The following VPS13C variants were observed in gnomAD, a reference collection of about 807,000 sequenced individuals.
VPS13C encodes intermembrane lipid transfer protein VPS13C.
VPS13C carries 358 observed loss-of-function variants against 456.8 expected under a neutral mutation model. The ratio of observed to expected loss-of-function variants is 0.78; its 90% confidence interval spans 0.72 to 0.86. The LOEUF (loss-of-function observed/expected upper bound fraction) is 0.86. VPS13C is among the 40% of genes least tolerant of loss of function. The probability of loss-of-function intolerance (pLI) is 0.00; values close to 1 mark genes in which losing one functional copy is unlikely to be tolerated. For missense variants in VPS13C, 4,818 were observed against 4,385.4 expected (o/e 1.10, Z -2.79); for synonymous variants, 1,578 against 1,486.7 (o/e 1.06, Z -1.41).
chr15:62,048,696 T>C (rs954294316), intron 1 of VPS13C, among the ~76,000 whole-genome samples: 2 of 152,050 alleles, frequency 1.3e-5, no homozygotes, highest in African/African-American at 4.8e-5. Context: ...TCCACAATGG[T>C]TGAACTAGTT....
chr15:61,981,617 T>G lies in VPS13C; in HGVS notation c.2030-139A>C, dbSNP rs1479850837. 3.9e-6 allele frequency: 3 copies of G among 767,084 alleles called. No homozygotes were observed. The East Asian group carries it at 1.1e-4, about 29-fold the overall frequency. The allele number at this position is 767,084 out of a possible 1,614,324, so 47.5% of individuals were successfully genotyped here. A position where few individuals can be genotyped will look rare whatever the true frequency, so the allele number is the denominator to read the frequency against. ...GGCTCACGCCTGTCATCCCAGCACTTTGGGAGGCCGAGACAGGCAGATCAC... is the reference window on the plus strand; with the variant it reads ...GGCTCACGCCTGTCATCCCAGCACTGTGGGAGGCCGAGACAGGCAGATCAC... On this transcript the variant is annotated intron_variant, in intron 21 of 84. Transcript: ENST00000644861.
chr15:61,901,640 G>A (rs968715297), intron 66 of VPS13C, among the ~76,000 whole-genome samples: 3 of 151,948 alleles, frequency 2.0e-5, no homozygotes, highest in Non-Finnish European at 2.9e-5. Flanking sequence ...GTGGAGAAAT[G>A]GGAACACTTT....
At chr15:61,927,371 T>G in intron 51 of VPS13C, 51 bp from the exon 52 acceptor site, 1 of 1,406,692 alleles carries the variant, frequency 7.1e-7, no homozygotes, top group Non-Finnish European at 9.9e-7. Flanking sequence ...AGTCTTTTCA[T>G]TTGACTACAT....
intron 42 of VPS13C, among the ~76,000 whole-genome samples, chr15:61,947,981 T>C (rs2140279843): frequency 6.6e-6 from 1 of 152,324 alleles, no homozygotes; most frequent in South Asian, 2.1e-4. Context: ...CTGATAAATT[T>C]AGGATCCATT....
At position 61,951,899 on chromosome 15, in the gene VPS13C, C is replaced by T; in HGVS notation, c.4381G>A (p.Ala1461Thr). 6.2e-7 allele frequency: 1 copy of T among 1,613,774 alleles called. No individual in the cohort carries two copies. Among genetic ancestry groups the T allele is most frequent in the South Asian group, 1.1e-5 (1 of 91,040 alleles). ...GTCATGTCATAGGTTTTAACTTTAG[C>T]TTCCATTCCAAGTTGCAGGACATTT... is the stretch of plus-strand genomic sequence containing the variant. ...ELNVLQLGME[A>T]KVKTYDMTAK... is the part of the protein sequence containing the mutation. The change falls in exon 39 of 85, where the codon GCT becomes ACT. Residue 1461 changes from alanine to threonine, a missense_variant. Physicochemically the swap from Ala to Thr is moderately conservative, Grantham distance 58. Coordinates refer to ENST00000644861, the MANE Select transcript of VPS13C (RefSeq NM_020821.3).
chr15:61,957,891 T>C (rs2045060844), intron 37 of VPS13C, among the ~76,000 whole-genome samples: 1 of 152,080 alleles, frequency 6.6e-6, no homozygotes, highest in South Asian at 2.1e-4. Flanking sequence ...AGCAGATCTA[T>C]ACATATCTAC....
At chr15:61,927,410 A>T in intron 51 of VPS13C, 90 bp from the exon 52 acceptor site, 1 of 992,984 alleles carries the variant, frequency 1.0e-6, no homozygotes. Flanking sequence ...AGTTGTTCTC[A>T]ATGTTTTTCT....
In VPS13C at chr15:61,874,924, C is replaced by T; in HGVS notation, c.10366G>A (p.Ala3456Thr). Residue 3456 changes from alanine (A) to threonine (T), a missense_variant, in exon 77 of 85, where the codon GCA (alanine) becomes ACA (threonine). This residue lies in a region of VPS13C where 4,552 missense variants were observed against 4,130.6 expected (regional missense o/e 1.10). Coordinates refer to ENST00000644861, the MANE Select transcript of VPS13C (RefSeq NM_020821.3). ...CTCACTCCAATCACTAACCCCTCTG[C>T]AAATTCTTCAGGGCCTTGAACAGCA... is the stretch of plus-strand genomic sequence containing the variant. The part of the protein sequence containing the change: ...QGAVQGPEEF[A>T]EGLVIGVRSL... 3 of 1,589,590 alleles carry T rather than the reference C, an allele frequency of 1.9e-6. No homozygotes were observed. Among genetic ancestry groups the T allele is most frequent in the African/African-American group, 1.3e-5 (1 of 74,112 alleles).
chr15:61,957,844 A>G (rs1180088176), intron 37 of VPS13C, among the ~76,000 whole-genome samples: 8 of 152,170 alleles, frequency 5.3e-5, no homozygotes, highest in South Asian at 4.1e-4. Flanking sequence ...TGATGCTTCA[A>G]TAGAATTTAA....
At chr15:61,946,434 A>C in intron 43 of VPS13C, 24 bp from the exon 44 acceptor site, 1 of 1,556,886 alleles carries the variant, frequency 6.4e-7, no homozygotes, top group Non-Finnish European at 8.7e-7. Flanking sequence ...AACATTTATA[A>C]ACTTTTCACC....
At chr15:61,947,873 C>A (rs2044658544) in intron 42 of VPS13C, among the ~76,000 whole-genome samples, 1 of 151,844 alleles carries the variant, frequency 6.6e-6, no homozygotes, top group Non-Finnish European at 1.5e-5. Flanking sequence ...TTAAAAAATA[C>A]CAAAAAAAAA....
At position 61,984,992 on chromosome 15, in the gene VPS13C, G is replaced by C. The variant is rs767541328; in HGVS notation, c.1586C>G (p.Ala529Gly). Residue 529 changes from alanine (A) to glycine (G), a missense_variant, in exon 19 of 85, where the codon GCC becomes GGC. By Grantham distance (60) the Ala-to-Gly change is moderately conservative. Coordinates refer to ENST00000644861, the MANE Select transcript of VPS13C (RefSeq NM_020821.3). ...TACTAACTTCAGGGTCATAATATGG[G>C]CAACATACTATACAGAAAGAATGAA... ...HNLTLPKQYV[A>G]HIMTLKLVST... is the part of the protein sequence containing the mutation. The C allele has an allele frequency of 1.3e-6, 2 of 1,559,472 alleles. No homozygotes were observed. Among genetic ancestry groups the C allele is most frequent in the East Asian group, 2.3e-5 (1 of 43,830 alleles).
At chr15:61,881,943 T>C in intron 69 of VPS13C, 115 bp from the exon 70 acceptor site, 1 of 888,960 alleles carries the variant, frequency 1.1e-6, no homozygotes. Flanking sequence ...TCTGCGTGTA[T>C]ATGCGGTGTA....
chr15:62,008,692 T>C lies in VPS13C; in HGVS notation c.1081A>G (p.Lys361Glu). The C allele has an allele frequency of 6.8e-6, 11 of 1,608,524 alleles. No individual in the cohort carries two copies. The highest frequency in any genetic ancestry group is 9.3e-6 in the Non-Finnish European group (11 of 1,177,130). The stretch of plus-strand genomic sequence containing the variant: ...TTGGTATGAAGTGGTAAATAAGGCT[T>C]GTATTTCCTATAAGGCGCATTCCTA... ...MVRNAPYRKY[K>E]PYLPLHTNGR... Residue 361 changes from lysine (K) to glutamate (E), a missense_variant, in exon 14 of 85, where the codon AAG becomes GAG. Physicochemically the swap from Lys to Glu is moderately conservative, Grantham distance 56 (BLOSUM62 1). Around this residue, in one of 3 missense-constraint regions of VPS13C, gnomAD observed 4,552 missense variants for 4,130.6 expected, o/e 1.10. Coordinates refer to ENST00000644861, the MANE Select transcript of VPS13C (RefSeq NM_020821.3).
At chr15:61,871,074 T>C (rs535353100) in intron 79 of VPS13C, among the ~76,000 whole-genome samples, 5 of 152,322 alleles carry the variant, frequency 3.3e-5, no homozygotes, top group Non-Finnish European at 7.4e-5. Context: ...CCTGTCTTCA[T>C]GGTTGTCCTT....
chr15:61,981,580 G>A (rs1331790747), intron 21 of VPS13C, 102 bp from the exon 22 acceptor site: 15 of 1,247,736 alleles, frequency 1.2e-5, no homozygotes, highest in Non-Finnish European at 1.6e-5. Flanking sequence ...AGTATTACAG[G>A]TCGGGTGCGG....
chr15:62,049,898 CTGTT>C (rs533753007), intron 1 of VPS13C, among the ~76,000 whole-genome samples: 1,792 of 152,170 alleles, frequency 0.012, 34 homozygotes, highest in African/African-American at 0.041. Context: ...ATTTGGCTCT[CTGTT>C]TGTCTGTTAT....
At chr15:61,909,879 A>G (rs931562789) in intron 64 of VPS13C, among the ~76,000 whole-genome samples, 7 of 151,472 alleles carry the variant, frequency 4.6e-5, no homozygotes, top group Non-Finnish European at 8.8e-5. Context: ...TGGCAAGGAC[A>G]AAAAACCAAA....
chr15:61,941,706 A>C (rs1301757269), intron 46 of VPS13C, 57 bp downstream of exon 46: 2 of 1,497,318 alleles, frequency 1.3e-6, no homozygotes, highest in East Asian at 2.3e-5. Context: ...TTAGGTAAAA[A>C]TTGTATGAAA....
Sources: gnomAD v4.1 joint callset for allele counts (sites outside exome capture counted in the v4.1 genomes callset) on GRCh38, gnomAD v4.1.1 for gene constraint, gnomAD v4.1.1 regional missense constraint, MANE v1.5 for transcripts, NCBI Gene and HGNC (gene_info 2026-07-23, HGNC 2026-07-21) for gene names.